SP2: variants seen among roughly 807,000 people sequenced by gnomAD.
SP2 encodes Sp2 transcription factor, also known as transcription factor Sp2.
Under a neutral mutation model 50.1 loss-of-function variants are expected in SP2, and 9 were observed. That is an observed-to-expected ratio of 0.18 (90% confidence interval 0.11 to 0.31). The LOEUF (loss-of-function observed/expected upper bound fraction) is 0.31. SP2 is among the 10% of genes least tolerant of loss of function. SP2 has a pLI of 1.00. For synonymous variants in SP2, 313 were observed against 326.6 expected, an observed-to-expected ratio of 0.96 and a Z score of 0.45; for missense variants, 581 against 806.5, an observed-to-expected ratio of 0.72 and a Z score of 3.39.
chr17:47,925,012 C>T lies in SP2; in HGVS notation c.1466C>T (p.Ala489Val). Reference protein sequence around the residue: ...PTQIQLQMEQALAGETQPGEK... With the variant: ...PTQIQLQMEQVLAGETQPGEK... Reference sequence around the variant, plus strand: ...CAGATCCAGCTGCAAATGGAACAAGCCCTGGCCGGAGAGACCCAGCCCGGG... The same window carrying T: ...CAGATCCAGCTGCAAATGGAACAAGTCCTGGCCGGAGAGACCCAGCCCGGG... Residue 489 changes from alanine to valine, a missense_variant, in exon 5 of 7, where the codon GCC becomes GTC. Physicochemically the swap from Ala to Val is moderately conservative, Grantham distance 64 (BLOSUM62 0). Coordinates refer to ENST00000376741, the MANE Select transcript of SP2 (RefSeq NM_003110.6). The T allele has an allele frequency of 6.2e-7, 1 of 1,614,192 alleles. No individual in the cohort carries two copies. The highest frequency in any genetic ancestry group is 8.5e-7 in the Non-Finnish European group (1 of 1,180,006).
intron 1 of SP2, among the ~76,000 whole-genome samples, chr17:47,908,070 T>G (rs1567691487): frequency 6.6e-6 from 1 of 152,188 alleles, no homozygotes; most frequent in East Asian, 1.9e-4. Flanking sequence ...AAACATTGGT[T>G]TGAGATCTAT....
chr17:47,905,010 G>T (rs571715931), intron 1 of SP2, among the ~76,000 whole-genome samples: 61 of 152,234 alleles, frequency 4.0e-4, no homozygotes, highest in Admixed American at 1.8e-3. Flanking sequence ...GGCCTCAAGT[G>T]ATCCTCCTGT....
At chr17:47,917,256 GCAGT>G (rs1348030166) in intron 3 of SP2, 126 bp downstream of exon 3, 3 of 940,450 alleles carry the variant, frequency 3.2e-6, no homozygotes, top group Non-Finnish European at 4.8e-6. Context: ...TTTGGGGTGG[GCAGT>G]AAGTGGCCGT....
intron 6 of SP2, among the ~76,000 whole-genome samples, chr17:47,925,930 T>TTTTTTTTTTTTTTTTTC (rs2035628780): frequency 2.8e-5 from 3 of 107,080 alleles, no homozygotes; most frequent in African/African-American, 1.0e-4. Context: ...TTTTTTTTTT[T>TTTTTTTTTTTTTTTTTC]TTTGGAGATG....
chr17:47,914,499 A>C (rs1355726811), intron 1 of SP2, among the ~76,000 whole-genome samples: 1 of 152,196 alleles, frequency 6.6e-6, no homozygotes, highest in Non-Finnish European at 1.5e-5. Flanking sequence ...CCTTGTCAGA[A>C]ATCTTGGCTG....
chr17:47,917,351 T>A (rs1261289487), intron 3 of SP2, among the ~76,000 whole-genome samples: 1 of 152,198 alleles, frequency 6.6e-6, no homozygotes, highest in Non-Finnish European at 1.5e-5. Flanking sequence ...CATAGGGATA[T>A]TTTGGCACCT....
intron 4 of SP2, among the ~76,000 whole-genome samples, 160 bp downstream of exon 4, chr17:47,923,434 A>G (rs888019724): frequency 1.3e-5 from 2 of 152,218 alleles, no homozygotes; most frequent in East Asian, 1.9e-4. Context: ...AGTCCTTACA[A>G]TAGCACTCAG....
intron 1 of SP2, chr17:47,898,683 T>A (rs2034430177): frequency 6.6e-6 from 1 of 152,184 alleles, no homozygotes; most frequent in African/African-American, 2.4e-5. Context: ...ATATTTTGGA[T>A]CAGGTGGACA....
At chr17:47,906,851 AG>A (rs1462219083) in intron 1 of SP2, among the ~76,000 whole-genome samples, 1 of 152,162 alleles carries the variant, frequency 6.6e-6, no homozygotes, top group Non-Finnish European at 1.5e-5. Flanking sequence ...GGCCAGACAC[AG>A]GCCTATGAGT....
Position 47,896,241 on chromosome 17 carries a change from C to T in SP2, c.-46C>T. 1 of 1,239,316 alleles carries T rather than the reference C, an allele frequency of 8.1e-7. No homozygotes were observed. Among genetic ancestry groups the T allele is most frequent in the Non-Finnish European group, 1.0e-6 (1 of 989,234 alleles). The allele number at this position is 1,239,316 out of a possible 1,614,324, so 76.8% of individuals were successfully genotyped here. A position where few individuals can be genotyped will look rare whatever the true frequency, so the allele number is the denominator to read the frequency against. On this transcript the variant is annotated 5_prime_UTR_variant, in exon 1 of 7. Coordinates refer to ENST00000376741, the MANE Select transcript of SP2 (RefSeq NM_003110.6). Reference sequence around the variant, plus strand: ...GTTGCTTGGCGGGCGGTGTCAGGCTCTCGGTGGCGGCGGAGGCGGCGGAGG... The same window carrying T: ...GTTGCTTGGCGGGCGGTGTCAGGCTTTCGGTGGCGGCGGAGGCGGCGGAGG...
chr17:47,903,738 G>A (rs895145724), intron 1 of SP2, among the ~76,000 whole-genome samples: 2 of 152,084 alleles, frequency 1.3e-5, no homozygotes, highest in African/African-American at 2.4e-5. Context: ...GAGGTGGTCG[G>A]ATCACGAAGT....
At chr17:47,900,850 C>T (rs1321208061) in intron 1 of SP2, among the ~76,000 whole-genome samples, 2 of 152,186 alleles carry the variant, frequency 1.3e-5, no homozygotes, top group African/African-American at 4.8e-5. Context: ...TGCCAAAGCA[C>T]ATAAAGAGAT....
chr17:47,913,432 TCTG>T (rs554376405), intron 1 of SP2, among the ~76,000 whole-genome samples: 57 of 152,300 alleles, frequency 3.7e-4, no homozygotes, highest in Non-Finnish European at 6.8e-4. Context: ...CTTACTGAAA[TCTG>T]CTTTCCAGAG....
chr17:47,925,260 C>G, intron 5 of SP2, 88 bp from the exon 6 acceptor site: 2 of 1,430,434 alleles, frequency 1.4e-6, no homozygotes, highest in Non-Finnish European at 1.9e-6. Flanking sequence ...GACCCCACAT[C>G]CTCACTGCAT....
intron 1 of SP2, among the ~76,000 whole-genome samples, chr17:47,904,044 C>T (rs984392477): frequency 2.6e-5 from 4 of 151,818 alleles, no homozygotes; most frequent in East Asian, 3.9e-4. Flanking sequence ...TGGCGGATCA[C>T]GAGGTCAGGA....
At chr17:47,920,196 A>C (rs1598156522) in intron 3 of SP2, among the ~76,000 whole-genome samples, 1 of 150,018 alleles carries the variant, frequency 6.7e-6, no homozygotes, top group Non-Finnish European at 1.5e-5. Context: ...GCTCTCTGCA[A>C]CCTCCGCCTC....
chr17:47,911,584 G>A (rs72840233), intron 1 of SP2, among the ~76,000 whole-genome samples: 28,480 of 151,644 alleles, frequency 0.19, 3,506 homozygotes, highest in East Asian at 0.51. Flanking sequence ...CAAGGCAGGC[G>A]GATCACGAGG....
intron 3 of SP2, among the ~76,000 whole-genome samples, chr17:47,922,525 T>C (rs1432164075): frequency 9.4e-6 from 1 of 106,372 alleles, no homozygotes; most frequent in African/African-American, 4.4e-5. Context: ...GACCAGAAAC[T>C]TTTTTTTTTT....
At position 47,916,116 on chromosome 17, in the gene SP2, C is replaced by T. The variant is rs372484835; in HGVS notation, c.85-40C>T. 6.8e-5 allele frequency: 106 copies of T among 1,560,810 alleles called. No individual in the cohort carries two copies. Among genetic ancestry groups the T allele is most frequent in the Non-Finnish European group, 8.8e-5 (101 of 1,153,376 alleles). ...TGGACAGAGGCGGCCGGGCAGCGGG[C>T]CTTCCTGTCTCACTCCTTTTCTCTG... On this transcript the variant is annotated intron_variant, in intron 2 of 6. Transcript: ENST00000376741. The surrounding 1 kb of genome is among the most constrained non-coding windows in gnomAD (Gnocchi z 4.7).
Sources: gnomAD v4.1 joint callset for allele counts (sites outside exome capture counted in the v4.1 genomes callset) on GRCh38, gnomAD v4.1.1 for gene constraint, Gnocchi (gnomAD v3.1) non-coding constraint, MANE v1.5 for transcripts, NCBI Gene and HGNC (gene_info 2026-07-23, HGNC 2026-07-21) for gene names.